Variants in GDF15 observed in about 807,000 individuals in gnomAD.
GDF15 encodes the protein growth differentiation factor 15, also known as growth/differentiation factor 15.
GDF15 carries 10 observed loss-of-function variants against 8.9 expected under a neutral mutation model. The observed-to-expected ratio is 1.12, with a 90% CI of 0.69 to 1.90. The LOEUF is 1.90. Among genes scored for constraint, GDF15 ranks in the 40% most tolerant of loss-of-function variants. The pLI, the probability that GDF15 is intolerant of heterozygous loss-of-function variation, is 0.00. For synonymous variants in GDF15, 228 were observed against 210.6 expected (o/e 1.08, Z -0.72); for missense variants, 452 against 434.2 (o/e 1.04, Z -0.36).
chr19:18,388,609 G>A lies in GDF15; in HGVS notation c.601G>A (p.Asp201Asn). The change falls in exon 2 of 2, where the codon GAC becomes AAC. Residue 201 changes from aspartate (D) to asparagine (N), a missense_variant. By Grantham distance (23) the Asp-to-Asn change is conservative (BLOSUM62 1). Coordinates refer to ENST00000252809, the MANE Select transcript of GDF15 (RefSeq NM_004864.4). The surrounding 1 kb of genome is among the most constrained non-coding windows in gnomAD (Gnocchi z 4.2). ...GRRRARARNG[D>N]HCPLGPGRCC... ...CCGCAGAGCGCGTGCGCGCAACGGG[G>A]ACCACTGTCCGCTCGGGCCCGGGCG... 1 of 1,600,332 alleles carries A rather than the reference G, an allele frequency of 6.2e-7. No homozygotes were observed. Among genetic ancestry groups the A allele is most frequent in the Non-Finnish European group, 8.5e-7 (1 of 1,176,704 alleles).
At chr19:18,386,752 G>A in intron 1 of GDF15, 1 of 473,390 alleles carries the variant, frequency 2.1e-6, no homozygotes, top group South Asian at 2.5e-5. Flanking sequence ...GGAAACCCGG[G>A]GACGGGGTCG....
intron 1 of GDF15, 172 bp downstream of exon 1, chr19:18,386,638 A>G (rs1971835154): frequency 1.6e-6 from 1 of 622,318 alleles, no homozygotes; most frequent in East Asian, 2.8e-5. Context: ...CCGATGCCTG[A>G]TTTGCACCCA....
Position 18,386,391 on chromosome 19 carries a change from C to CG in GDF15, c.205dup (p.Ala69GlyfsTer230). On this transcript the variant is annotated frameshift_variant, in exon 1 of 2. Transcript: ENST00000252809. LOFTEE classifies it high-confidence loss of function. ...CTACGAGGACCTGCTAACCAGGCTG[C>CG]GGGCCAACCAGAGCTGGGAAGATTC... 1 of 1,613,952 alleles carries CG rather than the reference C, an allele frequency of 6.2e-7. No homozygotes were observed. Among genetic ancestry groups the CG allele is most frequent in the Non-Finnish European group, 8.5e-7 (1 of 1,179,968 alleles).
intron 1 of GDF15, chr19:18,386,953 G>A (rs1971838799): frequency 5.6e-6 from 1 of 178,148 alleles, no homozygotes; most frequent in African/African-American, 2.4e-5. Flanking sequence ...GGGAGGAGGA[G>A]AGTATTTTCC....
rs761625643 is a variant in GDF15 at position 18,388,754 on chromosome 19, G to C, written c.746G>C (p.Arg249Pro). 1.2e-6 allele frequency: 2 copies of C among 1,609,572 alleles called. No homozygotes were observed. Among genetic ancestry groups the C allele is most frequent in the South Asian group, 2.2e-5 (2 of 91,008 alleles). ...MCIGACPSQF[R>P]AANMHAQIKT... is the part of the protein sequence containing the mutation. ...ATCGGCGCGTGCCCGAGCCAGTTCC[G>C]GGCGGCAAACATGCACGCGCAGATC... Residue 249 changes from arginine to proline, a missense_variant, in exon 2 of 2, where the codon CGG becomes CCG. Arg to Pro is a moderately radical substitution (Grantham distance 103, BLOSUM62 -2). Coordinates refer to ENST00000252809, the MANE Select transcript of GDF15 (RefSeq NM_004864.4). This position sits in a 1 kb window ranked among gnomAD's most constrained non-coding sequence, Gnocchi z 4.2.
Position 18,388,614 on chromosome 19 carries a change from CT to C in GDF15, c.607del (p.Cys203ValfsTer35). 1 of 1,599,506 alleles carries C rather than the reference CT, an allele frequency of 6.3e-7. No individual in the cohort carries two copies. Among genetic ancestry groups the C allele is most frequent in the Non-Finnish European group, 8.5e-7 (1 of 1,176,164 alleles). Reference protein sequence around the residue: ...RRARARNGDHCPLGPGRCCRL... With the variant: ...RRARARNGDHXPLGPGRCCRL... ...GAGCGCGTGCGCGCAACGGGGACCA[CT>C]GTCCGCTCGGGCCCGGGCGTTGCTG... On this transcript the variant is annotated frameshift_variant, in exon 2 of 2. Transcript: ENST00000252809. LOFTEE classifies it low-confidence loss of function (END_TRUNC). This position sits in a 1 kb window ranked among gnomAD's most constrained non-coding sequence, Gnocchi z 4.2.
Position 18,388,266 on chromosome 19 carries a change from C to T in GDF15, c.278-20C>T. The T allele has an allele frequency of 1.2e-6, 2 of 1,606,256 alleles. No homozygotes were observed. The highest frequency in any genetic ancestry group is 8.5e-7 in the Non-Finnish European group (1 of 1,176,642). ...CGGTAGGCCTGTGGGTGACCAGCTT[C>T]CCTATCTGTCTTCCCACAGTGCGGC... On this transcript the variant is annotated intron_variant, in intron 1 of 1. Transcript: ENST00000252809. This position sits in a 1 kb window ranked among gnomAD's most constrained non-coding sequence, Gnocchi z 4.2.
Position 18,389,036 on chromosome 19 carries a change from C to A in GDF15, c.*101C>A. The A allele has an allele frequency of 1.4e-6, 1 of 726,412 alleles. No homozygotes were observed. The highest frequency in any genetic ancestry group is 2.3e-6 in the Non-Finnish European group (1 of 440,962). The allele number at this position is 726,412 out of a possible 1,614,324, so 45.0% of individuals were successfully genotyped here. Reference sequence around the variant, plus strand: ...AGGTTCCTGAGACACCCGATTCCTGCCCAAACAGCTGTATTTATATAAGTC... The same window carrying A: ...AGGTTCCTGAGACACCCGATTCCTGACCAAACAGCTGTATTTATATAAGTC... On this transcript the variant is annotated 3_prime_UTR_variant, in exon 2 of 2. Transcript: ENST00000252809.
rs538473844 is a variant in GDF15 at position 18,387,813 on chromosome 19, C to CTTTTTTTT, written c.278-454_278-447dup. ...CAGGAGATTCAAGGGGAGAAATGCC[C>CTTTTTTTT]TTTTTTTTTTTTTTTTTTTTTTTTT... On this transcript the variant is annotated intron_variant, in intron 1 of 1. Transcript: ENST00000252809. Among the ~76,000 whole-genome samples, 24 of 70,350 alleles carry CTTTTTTTT rather than the reference C, an allele frequency of 3.4e-4. 3 individuals carry two copies. The highest frequency in any genetic ancestry group is 8.9e-4 in the African/African-American group (11 of 12,366). The allele number at this position is 70,350 out of a possible 152,430, so 46.2% of individuals were successfully genotyped here.
Position 18,388,476 on chromosome 19 carries a change from C to T in GDF15, c.468C>T (p.His156=). ...CAAGACCCCAGGCGCCCGCGCTGCACCTGCGACTGTCGCCGCCGCCGTCGC... is the reference window on the plus strand; with the variant it reads ...CAAGACCCCAGGCGCCCGCGCTGCATCTGCGACTGTCGCCGCCGCCGTCGC... ...SLARPQAPAL[H]LRLSPPPSQS... The change falls in exon 2 of 2, where the codon CAC becomes CAT. Residue 156 remains histidine (H), a synonymous_variant. Coordinates refer to ENST00000252809, the MANE Select transcript of GDF15 (RefSeq NM_004864.4). The surrounding 1 kb of genome is among the most constrained non-coding windows in gnomAD (Gnocchi z 4.2). The T allele has an allele frequency of 1.2e-6, 2 of 1,607,454 alleles. No homozygotes were observed. The highest frequency in any genetic ancestry group is 1.7e-6 in the Non-Finnish European group (2 of 1,178,818).
Position 18,386,393 on chromosome 19 carries a change from G to C in GDF15, c.204G>C (p.Arg68=). The change falls in exon 1 of 2, where the codon CGG becomes CGC. Residue 68 remains arginine (R), a synonymous_variant. Transcript: ENST00000252809. ...KRYEDLLTRL[R]ANQSWEDSNT... ...ACGAGGACCTGCTAACCAGGCTGCG[G>C]GCCAACCAGAGCTGGGAAGATTCGA... 6.2e-7 allele frequency: 1 copy of C among 1,614,012 alleles called. No homozygotes were observed.
In GDF15 at chr19:18,388,557, C is replaced by T; in HGVS notation, c.549C>T (p.His183=). Residue 183 remains histidine (H), a synonymous_variant, in exon 2 of 2, where the codon CAC becomes CAT. Coordinates refer to ENST00000252809, the MANE Select transcript of GDF15 (RefSeq NM_004864.4). This position sits in a 1 kb window ranked among gnomAD's most constrained non-coding sequence, Gnocchi z 4.2. ...CCGCACGGCCCCAGCTGGAGTTGCA[C>T]TTGCGGCCGCAAGCCGCCAGGGGGC... is the stretch of plus-strand genomic sequence containing the variant. ...SSSARPQLEL[H]LRPQAARGRR... 1 of 1,597,406 alleles carries T rather than the reference C, an allele frequency of 6.3e-7. No individual in the cohort carries two copies. The highest frequency in any genetic ancestry group is 8.5e-7 in the Non-Finnish European group (1 of 1,175,158).
At chr19:18,386,655 G>A (rs1420449834) in intron 1 of GDF15, 189 bp downstream of exon 1, 5 of 608,436 alleles carry the variant, frequency 8.2e-6, no homozygotes, top group South Asian at 8.0e-5. Flanking sequence ...CCCACAACGT[G>A]GGAGGTTATA....
rs771076187 is a variant in GDF15 at position 18,386,311 on chromosome 19, C to T, written c.122C>T (p.Pro41Leu). ...GCCGAGGCGAGCCGCGCAAGTTTCC[C>T]GGGACCCTCAGAGTTGCACTCCGAA... Reference protein sequence around the residue: ...SLAEASRASFPGPSELHSEDS... With the variant: ...SLAEASRASFLGPSELHSEDS... The change falls in exon 1 of 2, where the codon CCG (proline) becomes CTG (leucine). Residue 41 changes from proline (P) to leucine (L), a missense_variant. Transcript: ENST00000252809. 4 of 1,613,958 alleles carry T rather than the reference C, an allele frequency of 2.5e-6. No homozygotes were observed. Among genetic ancestry groups the T allele is most frequent in the African/African-American group, 1.3e-5 (1 of 74,910 alleles).
intron 1 of GDF15, chr19:18,386,790 C>CCTGG: frequency 2.8e-6 from 1 of 355,614 alleles, no homozygotes; most frequent in Non-Finnish European, 5.2e-6. Context: ...TGGTCCCTGA[C>CCTGG]CTGGGCTGGG....
chr19:18,387,703 T>C (rs971112127), intron 1 of GDF15, among the ~76,000 whole-genome samples: 1 of 151,320 alleles, frequency 6.6e-6, no homozygotes, highest in African/African-American at 2.4e-5. Flanking sequence ...GTAGGGAATA[T>C]GAATGATACA....
chr19:18,386,606 C>A, intron 1 of GDF15, 140 bp downstream of exon 1: 1 of 722,682 alleles, frequency 1.4e-6, no homozygotes, highest in Non-Finnish European at 2.3e-6. Context: ...TATCCTGGAT[C>A]CCCTTGGGTC....
rs147994992 is a variant in GDF15, at chr19:18,388,358, C to T, written c.350C>T (p.Ala117Val). ...GCCCTTCCCGAGGGGCTCCCCGAGG[C>T]CTCCCGCCTTCACCGGGCTCTGTTC... The part of the protein sequence containing the change: ...RAALPEGLPE[A>V]SRLHRALFRL... The change falls in exon 2 of 2, where the codon GCC becomes GTC. Residue 117 changes from alanine (A) to valine (V), a missense_variant. Coordinates refer to ENST00000252809, the MANE Select transcript of GDF15 (RefSeq NM_004864.4). This position sits in a 1 kb window ranked among gnomAD's most constrained non-coding sequence, Gnocchi z 4.2. The T allele has an allele frequency of 2.5e-6, 4 of 1,611,612 alleles. No homozygotes were observed. Among genetic ancestry groups the T allele is most frequent in the Non-Finnish European group, 3.4e-6 (4 of 1,179,722 alleles).
At chr19:18,387,813 C>CT (rs538473844) in intron 1 of GDF15, among the ~76,000 whole-genome samples, 1,187 of 70,292 alleles carry the variant, frequency 0.017, 147 homozygotes, top group African/African-American at 0.037. Flanking sequence ...GAGAAATGCC[C>CT]TTTTTTTTTT....
Sources: allele counts gnomAD v4.1 joint callset (sites outside exome capture counted in the v4.1 genomes callset), GRCh38; gene constraint gnomAD v4.1.1; non-coding constraint Gnocchi (gnomAD v3.1); transcripts MANE v1.5; gene names NCBI Gene and HGNC (gene_info 2026-07-23, HGNC 2026-07-21).